Variants in FCHSD2 observed in about 807,000 individuals in gnomAD.
The protein encoded by FCHSD2 is F-BAR and double SH3 domains protein 2.
A neutral mutation model predicts 108.1 loss-of-function variants in FCHSD2; 38 were observed. The observed-to-expected ratio is 0.35, with a 90% CI of 0.27 to 0.46. FCHSD2 has a LOEUF of 0.46. Among genes scored for constraint, FCHSD2 ranks in the 20% least tolerant of loss-of-function variants. The probability of loss-of-function intolerance (pLI) is 1.00; values close to 1 mark genes in which losing one functional copy is unlikely to be tolerated. For synonymous variants in FCHSD2, 279 were observed against 314.7 expected, an observed-to-expected ratio of 0.89 and a Z score of 1.20; for missense variants, 751 against 897.8, an observed-to-expected ratio of 0.84 and a Z score of 2.09.
At chr11:73,031,300 C>T (rs1858354804) in intron 3 of FCHSD2, among the ~76,000 whole-genome samples, 1 of 152,008 alleles carries the variant, frequency 6.6e-6, no homozygotes, top group Admixed American at 6.6e-5. Flanking sequence ...CATAACGAAA[C>T]CCTGTCTCTA....
chr11:72,867,229 A>G (rs1854747594), intron 13 of FCHSD2, among the ~76,000 whole-genome samples: 1 of 152,224 alleles, frequency 6.6e-6, no homozygotes, highest in African/African-American at 2.4e-5. Flanking sequence ...GCTATGTAAT[A>G]TCAGGCAAAT....
At chr11:72,876,974 C>CTTTT (rs1854983051) in intron 12 of FCHSD2, among the ~76,000 whole-genome samples, 1 of 150,862 alleles carries the variant, frequency 6.6e-6, no homozygotes, top group Non-Finnish European at 1.5e-5. Context: ...ATGATCACTT[C>CTTTT]ATTTTTTTTT....
intron 3 of FCHSD2, among the ~76,000 whole-genome samples, chr11:73,034,924 A>T (rs1359893316): frequency 1.3e-5 from 2 of 152,192 alleles, no homozygotes; most frequent in African/African-American, 4.8e-5. Flanking sequence ...ACCTTTAAAA[A>T]GGTCACTCCA....
chr11:72,994,849 A>G (rs540498193), intron 5 of FCHSD2, among the ~76,000 whole-genome samples: 8 of 152,332 alleles, frequency 5.3e-5, no homozygotes, highest in African/African-American at 1.9e-4. Flanking sequence ...AAATTGACAT[A>G]TAATTCACAT....
intron 3 of FCHSD2, among the ~76,000 whole-genome samples, chr11:73,063,604 C>G (rs1179894480): frequency 1.3e-5 from 2 of 151,504 alleles, no homozygotes; most frequent in Admixed American, 1.3e-4. Context: ...ATTTACCAAG[C>G]AAATGGAAAG....
chr11:72,872,821 G>C (rs1262530906), intron 12 of FCHSD2, among the ~76,000 whole-genome samples: 1 of 152,152 alleles, frequency 6.6e-6, no homozygotes, highest in Non-Finnish European at 1.5e-5. Context: ...GGCTGGCATT[G>C]CTGGATCATG....
intron 3 of FCHSD2, among the ~76,000 whole-genome samples, chr11:73,068,505 T>TA (rs111390711): frequency 1.3e-5 from 2 of 151,366 alleles, no homozygotes; most frequent in African/African-American, 4.8e-5. Context: ...CTCCTGAAGT[T>TA]AAAAAAAAGT....
chr11:73,000,542 A>G (rs1047774928), intron 5 of FCHSD2, among the ~76,000 whole-genome samples: 2 of 152,178 alleles, frequency 1.3e-5, no homozygotes, highest in Admixed American at 1.3e-4. Context: ...TTTTTAAAGT[A>G]AGTTTTTTAT....
intron 3 of FCHSD2, among the ~76,000 whole-genome samples, chr11:73,029,381 T>C (rs1331694779): frequency 1.3e-5 from 2 of 152,226 alleles, no homozygotes; most frequent in African/African-American, 2.4e-5. Flanking sequence ...TAGAAGCCAC[T>C]GTGGACTTGC....
chr11:73,099,072 C>T (rs556039979), intron 2 of FCHSD2, among the ~76,000 whole-genome samples: 2 of 152,100 alleles, frequency 1.3e-5, no homozygotes, highest in East Asian at 3.9e-4. Context: ...ATTAATTAGT[C>T]GGAGGTAGTG....
At chr11:73,103,160 T>G (rs192158918) in intron 2 of FCHSD2, among the ~76,000 whole-genome samples, 94 of 152,290 alleles carry the variant, frequency 6.2e-4, no homozygotes, top group African/African-American at 2.2e-3. Context: ...ATATATTGAG[T>G]GTAGTAGTGT....
intron 3 of FCHSD2, among the ~76,000 whole-genome samples, chr11:73,030,150 C>A (rs1433032012): frequency 6.6e-6 from 1 of 152,048 alleles, no homozygotes; most frequent in South Asian, 2.1e-4. Context: ...ATAGCAGTAC[C>A]CCCACAACCC....
chr11:72,874,359 T>A (rs190261433), intron 12 of FCHSD2, among the ~76,000 whole-genome samples: 78 of 152,256 alleles, frequency 5.1e-4, no homozygotes, highest in South Asian at 1.2e-3. Flanking sequence ...GCTAATTTTT[T>A]AAAATTTTTT....
chr11:72,959,220 CTTTTT>C (rs11408216), intron 8 of FCHSD2, among the ~76,000 whole-genome samples: 22 of 56,324 alleles, frequency 3.9e-4, no homozygotes, highest in African/African-American at 1.5e-3. Flanking sequence ...ATCCAGCAGT[CTTTTT>C]TTTTTTTTTT....
chr11:73,003,988 C>T (rs1244880633), intron 4 of FCHSD2, among the ~76,000 whole-genome samples: 1 of 150,608 alleles, frequency 6.6e-6, no homozygotes, highest in African/African-American at 2.4e-5. Flanking sequence ...GCACCTGTAA[C>T]CCCACCAGCT....
chr11:72,980,032 G>A (rs1857182933), intron 8 of FCHSD2, among the ~76,000 whole-genome samples: 2 of 152,306 alleles, frequency 1.3e-5, no homozygotes, highest in South Asian at 2.1e-4. Context: ...CAAAGCTGAG[G>A]TGAAAAGATC....
chr11:72,984,670 C>T (rs1272250454), intron 7 of FCHSD2, among the ~76,000 whole-genome samples: 1 of 152,148 alleles, frequency 6.6e-6, no homozygotes, highest in Non-Finnish European at 1.5e-5. Flanking sequence ...ATCAGGCATT[C>T]CACAGTGTGA....
At chr11:72,896,368 T>G (rs74868804) in intron 10 of FCHSD2, among the ~76,000 whole-genome samples, 3,393 of 152,338 alleles carry the variant, frequency 0.022, 84 homozygotes, top group African/African-American at 0.06. Context: ...TGGACATGCA[T>G]GTTTCCCATA....
intron 8 of FCHSD2, among the ~76,000 whole-genome samples, chr11:72,978,688 C>T (rs1341927371): frequency 6.6e-6 from 1 of 151,946 alleles, no homozygotes; most frequent in Non-Finnish European, 1.5e-5. Context: ...TTAAAAGTGG[C>T]ACTTCCCCCT....
Sources: allele counts gnomAD v4.1 joint callset (sites outside exome capture counted in the v4.1 genomes callset), GRCh38; gene constraint gnomAD v4.1.1; transcripts MANE v1.5; gene names NCBI Gene and HGNC (gene_info 2026-07-23, HGNC 2026-07-21).